SNTG1: variants seen among roughly 807,000 people sequenced by gnomAD.
SNTG1 encodes syntrophin gamma 1.
SNTG1 carries 39 observed loss-of-function variants against 74.7 expected under a neutral mutation model. The ratio of observed to expected loss-of-function variants is 0.52; its 90% confidence interval spans 0.40 to 0.68. SNTG1 has a LOEUF of 0.68. SNTG1 is among the 30% of genes least tolerant of loss of function. The probability of loss-of-function intolerance (pLI) is 0.00; values close to 1 mark genes in which losing one functional copy is unlikely to be tolerated. For synonymous variants in SNTG1, 254 were observed against 217.1 expected, an observed-to-expected ratio of 1.17 and a Z score of -1.49; for missense variants, 685 against 609.5, an observed-to-expected ratio of 1.12 and a Z score of -1.30.
At chr8:50,097,486 T>G (rs1439607732) in intron 1 of SNTG1, among the ~76,000 whole-genome samples, 1 of 152,118 alleles carries the variant, frequency 6.6e-6, no homozygotes, top group African/African-American at 2.4e-5. Flanking sequence ...ACTTAGTCAA[T>G]TTTGAAACTA....
chr8:50,074,699 C>T (rs985778279), intron 1 of SNTG1, among the ~76,000 whole-genome samples: 5 of 152,164 alleles, frequency 3.3e-5, no homozygotes, highest in Non-Finnish European at 5.9e-5. Flanking sequence ...GAGAGGTGAC[C>T]GTGCTGGCAG....
chr8:50,008,736 T>C (rs1275101360), intron 1 of SNTG1, among the ~76,000 whole-genome samples: 1 of 152,198 alleles, frequency 6.6e-6, no homozygotes, highest in Non-Finnish European at 1.5e-5. Flanking sequence ...TCAAATTATA[T>C]GTCAGCCACC....
At chr8:50,566,950 A>T (rs745325741) in intron 12 of SNTG1, among the ~76,000 whole-genome samples, 1 of 151,942 alleles carries the variant, frequency 6.6e-6, no homozygotes, top group Admixed American at 6.6e-5. Flanking sequence ...AACATTTGCA[A>T]TTTTTCTTCT....
chr8:49,965,718 A>C (rs1457629922), intron 1 of SNTG1, among the ~76,000 whole-genome samples: 1 of 152,194 alleles, frequency 6.6e-6, no homozygotes, highest in Non-Finnish European at 1.5e-5. Context: ...AAATAACACA[A>C]ATAGGGCCCA....
intron 1 of SNTG1, among the ~76,000 whole-genome samples, chr8:50,041,378 T>G (rs1017478956): frequency 1.3e-5 from 2 of 152,142 alleles, no homozygotes; most frequent in Admixed American, 6.6e-5. Flanking sequence ...TAAAACATAT[T>G]TAATAAATTA....
At position 50,784,601 on chromosome 8, in the gene SNTG1, A is replaced by G. The variant is rs2095669459; in HGVS notation, c.1396-8070A>G. Among the ~76,000 whole-genome samples, 3 of 152,302 alleles carry G rather than the reference A, an allele frequency of 2.0e-5. No homozygotes were observed. In the South Asian group the frequency reaches 6.2e-4, roughly 32 times the overall value. ...CCACCAATTAGTTGTAGACATCAGT[A>G]CCCCACTGTAACTAATGGGTAGAGC... is the stretch of plus-strand genomic sequence containing the variant. On this transcript the variant is annotated intron_variant, in intron 18 of 18. Coordinates refer to ENST00000642720, the MANE Select transcript of SNTG1 (RefSeq NM_018967.5).
intron 13 of SNTG1, among the ~76,000 whole-genome samples, chr8:50,611,585 G>T (rs2094850193): frequency 6.6e-6 from 1 of 152,054 alleles, no homozygotes; most frequent in Non-Finnish European, 1.5e-5. Context: ...ATATTTAAAA[G>T]CATTGAAGAA....
At chr8:50,026,649 A>G (rs963806343) in intron 1 of SNTG1, among the ~76,000 whole-genome samples, 2 of 152,064 alleles carry the variant, frequency 1.3e-5, no homozygotes, top group African/African-American at 4.8e-5. Flanking sequence ...TCTCAAACAG[A>G]AGGGTATTAA....
intron 9 of SNTG1, among the ~76,000 whole-genome samples, chr8:50,503,927 T>C (rs1171010982): frequency 1.3e-5 from 2 of 152,200 alleles, no homozygotes; most frequent in African/African-American, 2.4e-5. Context: ...GGGTTCGTTG[T>C]ACACAAACCA....
At chr8:50,017,142 A>G (rs1052724330) in intron 1 of SNTG1, among the ~76,000 whole-genome samples, 8 of 152,086 alleles carry the variant, frequency 5.3e-5, no homozygotes, top group African/African-American at 1.7e-4. Flanking sequence ...GAAATAAAGA[A>G]CACCAGGAAA....
rs186087189 is a variant in SNTG1, at chr8:50,338,311, T to G, written c.-27-55901T>G. Among the ~76,000 whole-genome samples the G allele has an allele frequency of 1.3e-3, 204 of 152,142 alleles. 2 individuals carry two copies. The highest frequency in any genetic ancestry group is 1.8e-3 in the Non-Finnish European group (120 of 68,002). ...CTAACTCCTGGCAAGACAAATGCAA[T>G]AGCTCACACTAATGATCTACTCACA... On this transcript the variant is annotated intron_variant, in intron 2 of 18. Coordinates refer to ENST00000642720, the MANE Select transcript of SNTG1 (RefSeq NM_018967.5).
At chr8:50,188,729 C>T (rs2083467128) in intron 2 of SNTG1, among the ~76,000 whole-genome samples, 1 of 152,102 alleles carries the variant, frequency 6.6e-6, no homozygotes, top group African/African-American at 2.4e-5. Flanking sequence ...GCAAACAATA[C>T]ACAGTTCACA....
intron 1 of SNTG1, among the ~76,000 whole-genome samples, chr8:50,127,849 G>A (rs2131384145): frequency 6.6e-6 from 1 of 152,194 alleles, no homozygotes; most frequent in East Asian, 1.9e-4. Flanking sequence ...TGCTTTGCAA[G>A]TCCAATTGTT....
chr8:50,203,943 T>C (rs1467968479), intron 2 of SNTG1, among the ~76,000 whole-genome samples: 2 of 152,184 alleles, frequency 1.3e-5, no homozygotes, highest in Non-Finnish European at 2.9e-5. Context: ...AAAGTTATGT[T>C]GTTATTGATG....
intron 4 of SNTG1, among the ~76,000 whole-genome samples, chr8:50,417,993 A>G (rs1400857043): frequency 6.6e-6 from 1 of 152,116 alleles, no homozygotes; most frequent in African/African-American, 2.4e-5. Context: ...ATTTTCCACT[A>G]GATCATTCTG....
At position 50,656,994 on chromosome 8, in the gene SNTG1, G is replaced by T. The variant is rs766301105; in HGVS notation, c.935G>T (p.Gly312Val). The T allele has an allele frequency of 6.4e-7, 1 of 1,572,178 alleles. No homozygotes were observed. Among genetic ancestry groups the T allele is most frequent in the Non-Finnish European group, 8.6e-7 (1 of 1,161,822 alleles). Reference protein sequence around the residue: ...VYSPTFLALRGSCLYKFLAPP... With the variant: ...VYSPTFLALRVSCLYKFLAPP... Reference sequence around the variant, plus strand: ...TCCCCGACCTTCCTGGCCCTGAGGGGCTCATGTCTCTACAAGTTTCTGGCA... The same window carrying T: ...TCCCCGACCTTCCTGGCCCTGAGGGTCTCATGTCTCTACAAGTTTCTGGCA... The change falls in exon 14 of 19, where the codon GGC (glycine) becomes GTC (valine). Residue 312 changes from glycine to valine, a missense_variant. By Grantham distance (109) the Gly-to-Val change is moderately radical (BLOSUM62 -3). Transcript: ENST00000642720.
intron 8 of SNTG1, among the ~76,000 whole-genome samples, chr8:50,499,820 T>G (rs2093936021): frequency 6.6e-6 from 1 of 152,074 alleles, no homozygotes; most frequent in South Asian, 2.1e-4. Flanking sequence ...CCAGTTGATC[T>G]TCTAATGTTA....
chr8:50,070,011 G>A (rs1026818603), intron 1 of SNTG1, among the ~76,000 whole-genome samples: 1 of 151,964 alleles, frequency 6.6e-6, no homozygotes, highest in East Asian at 1.9e-4. Flanking sequence ...CCGTTTGTGG[G>A]GCTGTATTGG....
At chr8:49,981,952 A>G (rs1244818627) in intron 1 of SNTG1, among the ~76,000 whole-genome samples, 1 of 152,108 alleles carries the variant, frequency 6.6e-6, no homozygotes, top group Non-Finnish European at 1.5e-5. Context: ...GTGGGTGTGA[A>G]TATTATTAAT....
Sources: gnomAD v4.1 joint callset for allele counts (sites outside exome capture counted in the v4.1 genomes callset) on GRCh38, gnomAD v4.1.1 for gene constraint, MANE v1.5 for transcripts, NCBI Gene and HGNC (gene_info 2026-07-23, HGNC 2026-07-21) for gene names.